The following NHS variants were observed in gnomAD, a reference collection of about 807,000 sequenced individuals.
The protein encoded by NHS is NHS actin remodeling regulator.
A neutral mutation model predicts 72.5 loss-of-function variants in NHS; 5 were observed. The observed-to-expected ratio is 0.07, with a 90% confidence interval of 0.04 to 0.14. NHS has a LOEUF of 0.14. NHS is among the 10% of genes least tolerant of loss of function. The pLI, the probability that NHS is intolerant of heterozygous loss-of-function variation, is 1.00. For missense variants in NHS, 1,072 were observed against 1,355.7 expected (o/e 0.79, Z 3.29); for synonymous variants, 464 against 547.7 (o/e 0.85, Z 2.13).
intron 1 of NHS, among the ~76,000 whole-genome samples, chrX:17,436,507 A>T (rs2064723605): frequency 9.1e-6 from 1 of 109,495 alleles, no homozygotes; most frequent in African/African-American, 3.3e-5. Flanking sequence ...CCTCATAAAT[A>T]TATATGGATA....
chrX:17,641,341 A>G (rs998114511), intron 1 of NHS, among the ~76,000 whole-genome samples: 1 of 111,912 alleles, frequency 8.9e-6, no homozygotes, highest in African/African-American at 3.3e-5. Context: ...TGGACTCAGA[A>G]GAAATATCTG....
chrX:17,699,663 A>G (rs2066250501), intron 3 of NHS, among the ~76,000 whole-genome samples: 1 of 111,693 alleles, frequency 9.0e-6, no homozygotes, highest in Non-Finnish European at 1.9e-5. Context: ...ACACTGCACT[A>G]TGTTCCCTGA....
At chrX:17,554,698 C>T (rs969518526) in intron 1 of NHS, among the ~76,000 whole-genome samples, 2 of 111,831 alleles carry the variant, frequency 1.8e-5, no homozygotes, top group African/African-American at 6.5e-5. Context: ...TTCACTGACC[C>T]GTATATGTTG....
At chrX:17,723,779 G>GCA (rs1569318379) in intron 5 of NHS, among the ~76,000 whole-genome samples, 5 of 100,964 alleles carry the variant, frequency 5.0e-5, no homozygotes, top group African/African-American at 1.2e-4. Context: ...GTGCGCGCGC[G>GCA]TGCGCGCATG....
rs892908360 is a variant in NHS at position 17,616,327 on chromosome X, G to A, written c.566-71415G>A. ...ACATTGGGTGGGTCTGTATGTATGCGCATCTGTGACAACAACTTGGCTGGG... is the reference window on the plus strand; with the variant it reads ...ACATTGGGTGGGTCTGTATGTATGCACATCTGTGACAACAACTTGGCTGGG... On this transcript the variant is annotated intron_variant, in intron 1 of 8. Coordinates refer to ENST00000676302, the MANE Select transcript of NHS (RefSeq NM_001291867.2). 4.4e-5 allele frequency among the ~76,000 whole-genome samples: 5 copies of A among 112,371 alleles called. No individual in the cohort carries two copies. In the East Asian group the frequency reaches 8.4e-4, roughly 19 times the overall value.
intron 1 of NHS, among the ~76,000 whole-genome samples, chrX:17,464,731 A>G (rs933401065): frequency 1.8e-5 from 2 of 112,639 alleles, no homozygotes; most frequent in African/African-American, 3.2e-5. Flanking sequence ...CATTGTGCTC[A>G]GAGAAAGCTT....
chrX:17,716,675 G>T (rs2066365898), intron 3 of NHS, among the ~76,000 whole-genome samples: 1 of 111,324 alleles, frequency 9.0e-6, no homozygotes, highest in African/African-American at 3.3e-5. Flanking sequence ...AAATTAACTG[G>T]GCCCGAGGAG....
chrX:17,595,974 T>C (rs1176529748), intron 1 of NHS, among the ~76,000 whole-genome samples: 5 of 111,112 alleles, frequency 4.5e-5, no homozygotes, highest in Admixed American at 3.8e-4. Context: ...AAGAACTTAC[T>C]GAAGGATGTT....
At chrX:17,605,815 C>T (rs2065675757) in intron 1 of NHS, among the ~76,000 whole-genome samples, 1 of 111,769 alleles carries the variant, frequency 8.9e-6, no homozygotes, top group Admixed American at 9.5e-5. Flanking sequence ...TTAATGTAAC[C>T]TTTCCCCTTC....
At chrX:17,471,331 G>A (rs1379004970) in intron 1 of NHS, among the ~76,000 whole-genome samples, 1 of 112,336 alleles carries the variant, frequency 8.9e-6, no homozygotes, top group East Asian at 2.8e-4. Context: ...GCTATGATGA[G>A]GCTTGCTGAC....
chrX:17,660,874 G>T (rs1006975930), intron 1 of NHS, among the ~76,000 whole-genome samples: 1 of 112,637 alleles, frequency 8.9e-6, no homozygotes, highest in African/African-American at 3.2e-5. Context: ...CAAAGGTAAA[G>T]TCTGAAGCTT....
chrX:17,646,518 C>G (rs759393894), intron 1 of NHS, among the ~76,000 whole-genome samples: 2 of 111,664 alleles, frequency 1.8e-5, no homozygotes, highest in East Asian at 5.6e-4. Flanking sequence ...GGAAACCTTC[C>G]CTCCCAATTG....
intron 1 of NHS, among the ~76,000 whole-genome samples, chrX:17,518,688 C>A (rs939345940): frequency 8.9e-6 from 1 of 112,020 alleles, no homozygotes; most frequent in Non-Finnish European, 1.9e-5. Flanking sequence ...TTCTACCTGG[C>A]GGCAAGGAAG....
chrX:17,598,183 C>A (rs1309074976), intron 1 of NHS, among the ~76,000 whole-genome samples: 1 of 111,189 alleles, frequency 9.0e-6, no homozygotes, highest in African/African-American at 3.3e-5. Context: ...TCCAACAGGC[C>A]TTCTTGGGCG....
At chrX:17,578,253 A>G (rs1446158719) in intron 1 of NHS, among the ~76,000 whole-genome samples, 2 of 112,270 alleles carry the variant, frequency 1.8e-5, no homozygotes, top group Non-Finnish European at 3.8e-5. Flanking sequence ...GATGTTGGAA[A>G]TGATCAGAAA....
chrX:17,469,098 CTT>C (rs1352056826), intron 1 of NHS, among the ~76,000 whole-genome samples: 1 of 111,791 alleles, frequency 8.9e-6, no homozygotes, highest in African/African-American at 3.3e-5. Flanking sequence ...TACCTGGTCT[CTT>C]TTGTTCCACA....
chrX:17,692,419 C>T lies in NHS; in HGVS notation c.803C>T (p.Pro268Leu). Reference sequence around the variant, plus strand: ...GCTCCTCCACTGCCAGCCTACCCTCCAGCTCACAGCCAGAGGAGGCGTGAG... The same window carrying T: ...GCTCCTCCACTGCCAGCCTACCCTCTAGCTCACAGCCAGAGGAGGCGTGAG... ...IAAPPLPAYP[P>L]AHSQRRREFK... Residue 268 changes from proline to leucine, a missense_variant, in exon 3 of 9, where the codon CCA becomes CTA. Coordinates refer to ENST00000676302, the MANE Select transcript of NHS (RefSeq NM_001291867.2). The T allele has an allele frequency of 8.3e-7, 1 of 1,210,736 alleles. No individual in the cohort carries two copies.
chrX:17,700,135 G>A (rs2066253620), intron 3 of NHS, among the ~76,000 whole-genome samples: 1 of 111,532 alleles, frequency 9.0e-6, no homozygotes, highest in Admixed American at 9.5e-5. Flanking sequence ...AAGAAAAATT[G>A]TTCAAGCTCA....
intron 3 of NHS, among the ~76,000 whole-genome samples, chrX:17,700,831 T>C (rs925259101): frequency 1.8e-5 from 2 of 111,797 alleles, no homozygotes; most frequent in African/African-American, 6.5e-5. Flanking sequence ...AGGAGTGATT[T>C]CTAAGGCATA....
Sources: allele counts gnomAD v4.1 joint callset (sites outside exome capture counted in the v4.1 genomes callset), GRCh38; gene constraint gnomAD v4.1.1; transcripts MANE v1.5; gene names NCBI Gene and HGNC (gene_info 2026-07-23, HGNC 2026-07-21).